Variants in SEZ6L observed in about 807,000 individuals in gnomAD.
SEZ6L encodes the protein seizure 6-like protein.
SEZ6L carries 37 observed loss-of-function variants against 106.2 expected under a neutral mutation model. The observed-to-expected ratio is 0.35, with a 90% CI of 0.27 to 0.46. The LOEUF is 0.46. SEZ6L is among the 20% of genes least tolerant of loss of function. The pLI, the probability that SEZ6L is intolerant of heterozygous loss-of-function variation, is 1.00. For synonymous variants in SEZ6L, 541 were observed against 570.4 expected (o/e 0.95, Z 0.73); for missense variants, 1,172 against 1,332.8 (o/e 0.88, Z 1.88).
chr22:26,285,770 CT>C (rs1216161930), intron 1 of SEZ6L, among the ~76,000 whole-genome samples: 6 of 152,222 alleles, frequency 3.9e-5, no homozygotes. Flanking sequence ...ATGCCTTCAA[CT>C]ATCCAGATGT....
intron 12 of SEZ6L, among the ~76,000 whole-genome samples, chr22:26,355,798 C>G (rs550807230): frequency 2.0e-5 from 3 of 152,124 alleles, no homozygotes; most frequent in Admixed American, 6.5e-5. Context: ...AGCCTCTTGC[C>G]CAGTCACTTG....
At chr22:26,356,043 G>T (rs1478387791) in intron 12 of SEZ6L, among the ~76,000 whole-genome samples, 3 of 152,174 alleles carry the variant, frequency 2.0e-5, no homozygotes, top group African/African-American at 7.2e-5. Flanking sequence ...TACCAAGAAG[G>T]ATTGTTGGGA....
At chr22:26,328,610 G>C (rs537492066) in intron 9 of SEZ6L, among the ~76,000 whole-genome samples, 3 of 152,240 alleles carry the variant, frequency 2.0e-5, no homozygotes, top group African/African-American at 7.2e-5. Context: ...CCTTGCCAGA[G>C]CCTCGCCCAC....
chr22:26,348,707 C>CAAGGGAGGG lies in SEZ6L; in HGVS notation c.2407+819_2407+827dup, dbSNP rs1482361412. On this transcript the variant is annotated intron_variant, in intron 11 of 16. Coordinates refer to ENST00000248933, the MANE Select transcript of SEZ6L (RefSeq NM_021115.5). ...GAAAGAAAGAAAGAAAGAAAGAAGG[C>CAAGGGAGGG]AAGGGAGGGAAGGGAGGGAAGGGAG... Among the ~76,000 whole-genome samples, 12 of 28,500 alleles carry CAAGGGAGGG rather than the reference C, an allele frequency of 4.2e-4. No homozygotes were observed. The East Asian group carries it at 1.0e-2, about 24-fold the overall frequency. The allele number at this position is 28,500 out of a possible 152,430, so 18.7% of individuals were successfully genotyped here. A position where few individuals can be genotyped will look rare whatever the true frequency, so the allele number is the denominator to read the frequency against.
intron 12 of SEZ6L, 112 bp from the exon 13 acceptor site, chr22:26,365,260 G>A: frequency 1.2e-6 from 1 of 811,160 alleles, no homozygotes; most frequent in Non-Finnish European, 2.0e-6. Context: ...AGGTGGGGAT[G>A]CAGAGAGAGG....
chr22:26,300,617 G>A (rs1601429557), intron 5 of SEZ6L, among the ~76,000 whole-genome samples: 1 of 152,256 alleles, frequency 6.6e-6, no homozygotes, highest in South Asian at 2.1e-4. Flanking sequence ...GTAAACATAC[G>A]TGTGCATGTG....
chr22:26,236,793 C>T (rs2078970092), intron 1 of SEZ6L, among the ~76,000 whole-genome samples: 1 of 152,178 alleles, frequency 6.6e-6, no homozygotes, highest in Non-Finnish European at 1.5e-5. Flanking sequence ...TCAGTAATAC[C>T]TGCAGGATGA....
At chr22:26,328,777 G>A (rs2082396006) in intron 9 of SEZ6L, among the ~76,000 whole-genome samples, 1 of 152,146 alleles carries the variant, frequency 6.6e-6, no homozygotes, top group African/African-American at 2.4e-5. Context: ...AAGGGAGAAA[G>A]GAGGAGGAGA....
intron 1 of SEZ6L, among the ~76,000 whole-genome samples, chr22:26,250,517 C>G (rs1044355147): frequency 6.6e-6 from 1 of 152,110 alleles, no homozygotes. Flanking sequence ...TTCCATTGGT[C>G]TATGTATCTG....
intron 13 of SEZ6L, among the ~76,000 whole-genome samples, chr22:26,366,012 G>C (rs1270569842): frequency 3.3e-5 from 5 of 152,096 alleles, no homozygotes; most frequent in African/African-American, 1.2e-4. Flanking sequence ...TCTTCTCCTG[G>C]CTTAGCATTT....
Position 26,340,499 on chromosome 22 carries a change from C to A in SEZ6L, c.2079C>A (p.Ile693=). The A allele has an allele frequency of 6.2e-7, 1 of 1,614,046 alleles. No homozygotes were observed. The highest frequency in any genetic ancestry group is 8.5e-7 in the Non-Finnish European group (1 of 1,179,932). Reference sequence around the variant, plus strand: ...ATGGCGACGAGGTCATGCCCCACATCTTGGGGCAGTACCTTGGGAACAGTG... The same window carrying A: ...ATGGCGACGAGGTCATGCCCCACATATTGGGGCAGTACCTTGGGAACAGTG... ...IYDGDEVMPH[I]LGQYLGNSGP... Residue 693 remains isoleucine (I), a synonymous_variant, in exon 10 of 17, where the codon ATC becomes ATA. Transcript: ENST00000248933.
At position 26,311,799 on chromosome 22, in the gene SEZ6L, C is replaced by T. The variant is rs760355721; in HGVS notation, c.1713C>T (p.Tyr571=). 2.1e-5 allele frequency: 34 copies of T among 1,614,214 alleles called. No homozygotes were observed. In the East Asian group the frequency reaches 6.9e-4, roughly 33 times the overall value. The change falls in exon 8 of 17, where the codon TAC becomes TAT. Residue 571 remains tyrosine (Y), a synonymous_variant. Coordinates refer to ENST00000248933, the MANE Select transcript of SEZ6L (RefSeq NM_021115.5). ...AFEKGHCYEP[Y]IQNGNFTTSD... ...AGAAAGGCCACTGCTATGAGCCCTA[C>T]ATCCAGAATGGGAACTTCACTACAT... is the stretch of plus-strand genomic sequence containing the variant.
intron 1 of SEZ6L, among the ~76,000 whole-genome samples, chr22:26,253,738 G>T (rs570155942): frequency 6.6e-6 from 1 of 152,252 alleles, no homozygotes; most frequent in East Asian, 1.9e-4. Context: ...TTGGTGCTTA[G>T]GTTCCTGTGT....
chr22:26,266,112 G>GGT (rs1345840136), intron 1 of SEZ6L, among the ~76,000 whole-genome samples: 1 of 152,176 alleles, frequency 6.6e-6, no homozygotes, highest in African/African-American at 2.4e-5. Flanking sequence ...AGTGCACACG[G>GGT]GTGTGTGTGG....
intron 13 of SEZ6L, among the ~76,000 whole-genome samples, chr22:26,369,355 T>TTTTTTTTTTTTTTTTTTTTTTTTTTTTTG (rs1355413220): frequency 8.1e-6 from 1 of 123,552 alleles, no homozygotes; most frequent in African/African-American, 3.1e-5. Flanking sequence ...TGTTTTTTTT[T>TTTTTTTTTTTTTTTTTTTTTTTTTTTTTG]TTGAGACAGA....
chr22:26,361,345 AAAAC>A (rs2083619180), intron 12 of SEZ6L, among the ~76,000 whole-genome samples: 1 of 148,978 alleles, frequency 6.7e-6, no homozygotes, highest in Non-Finnish European at 1.5e-5. Context: ...TAAAAATACA[AAAAC>A]AAAAAAAATC....
At chr22:26,361,519 A>AT (rs1568943915) in intron 12 of SEZ6L, among the ~76,000 whole-genome samples, 108 of 129,878 alleles carry the variant, frequency 8.3e-4, no homozygotes, top group Middle Eastern at 3.8e-3. Flanking sequence ...AAAAAAAAAA[A>AT]AATATATATA....
chr22:26,281,087 G>A (rs909082558), intron 1 of SEZ6L, among the ~76,000 whole-genome samples: 20 of 152,254 alleles, frequency 1.3e-4, no homozygotes, highest in Non-Finnish European at 2.4e-4. Context: ...ATTGAGAGGT[G>A]GTGACTCAAA....
At chr22:26,313,244 T>C (rs1417490656) in intron 8 of SEZ6L, among the ~76,000 whole-genome samples, 1 of 152,210 alleles carries the variant, frequency 6.6e-6, no homozygotes, top group Non-Finnish European at 1.5e-5. Flanking sequence ...TTGACATTCA[T>C]GAGCTTAAGC....
Sources: gnomAD v4.1 joint callset for allele counts (sites outside exome capture counted in the v4.1 genomes callset) on GRCh38, gnomAD v4.1.1 for gene constraint, MANE v1.5 for transcripts, NCBI Gene and HGNC (gene_info 2026-07-23, HGNC 2026-07-21) for gene names.